SHISA5: variants seen among roughly 807,000 people sequenced by gnomAD.
SHISA5 encodes protein shisa-5.
In SHISA5, 21 loss-of-function variants were observed where a neutral mutation model predicts 27.5. The ratio of observed to expected loss-of-function variants is 0.76; its 90% CI spans 0.54 to 1.10. The LOEUF (loss-of-function observed/expected upper bound fraction) is 1.10. Among genes scored for constraint, SHISA5 ranks in the 50% least tolerant of loss-of-function variants. The pLI is 0.00. For synonymous variants in SHISA5, 137 were observed against 142.2 expected, an observed-to-expected ratio of 0.96 and a Z score of 0.26; for missense variants, 314 against 336.3, an observed-to-expected ratio of 0.93 and a Z score of 0.52.
chr3:48,483,618 G>A (rs2041095906), intron 2 of SHISA5, among the ~76,000 whole-genome samples: 2 of 152,172 alleles, frequency 1.3e-5, no homozygotes, highest in African/African-American at 2.4e-5. Flanking sequence ...CCTCCCAGAC[G>A]GGGTGGTGGC....
intron 2 of SHISA5, among the ~76,000 whole-genome samples, chr3:48,494,653 T>C (rs1418120636): frequency 6.8e-6 from 1 of 147,670 alleles, no homozygotes; most frequent in Non-Finnish European, 1.5e-5. Context: ...ACATTTTCTT[T>C]ATCCATTTAT....
Position 48,473,266 on chromosome 3 carries a change from G to C in SHISA5, c.315-3423C>G. 1 of 1,413,500 alleles carries C rather than the reference G, an allele frequency of 7.1e-7. No individual in the cohort carries two copies. Among genetic ancestry groups the C allele is most frequent in the African/African-American group, 1.4e-5 (1 of 69,338 alleles). The allele number at this position is 1,413,500 out of a possible 1,614,324, so 87.6% of individuals were successfully genotyped here. ...CGGGGGCCGGGGAGGAGGGGAAGCA[G>C]AGGTGCCCCATTTGCCTCCCAGAGC... On this transcript the variant is annotated intron_variant, in intron 3 of 5. Transcript: ENST00000296444. This position sits in a 1 kb window ranked among gnomAD's most constrained non-coding sequence, Gnocchi z 4.3.
rs187017866 is a variant in SHISA5, at chr3:48,471,350, G to A, written c.315-1507C>T. ...TGTAATCCCAGCACTTTGGGAGGCC[G>A]AGATGGGCGGATCACAAGGTTAGCA... On this transcript the variant is annotated intron_variant, in intron 3 of 5. Transcript: ENST00000296444. Among the ~76,000 whole-genome samples, 845 of 152,086 alleles carry A rather than the reference G, an allele frequency of 5.6e-3. 5 individuals carry two copies. The highest frequency in any genetic ancestry group is 0.019 in the African/African-American group (801 of 41,482).
intron 2 of SHISA5, among the ~76,000 whole-genome samples, chr3:48,500,031 G>A (rs2041708880): frequency 6.6e-6 from 1 of 151,756 alleles, no homozygotes; most frequent in African/African-American, 2.4e-5. Context: ...CTATGACATG[G>A]CAACTCCACA....
At chr3:48,490,355 G>A (rs2041385568) in intron 2 of SHISA5, among the ~76,000 whole-genome samples, 1 of 152,246 alleles carries the variant, frequency 6.6e-6, no homozygotes, top group African/African-American at 2.4e-5. Context: ...TTACAGGTAT[G>A]AGCCACTGCA....
chr3:48,485,701 G>T (rs896969824), intron 2 of SHISA5, among the ~76,000 whole-genome samples: 1 of 149,414 alleles, frequency 6.7e-6, no homozygotes, highest in Non-Finnish European at 1.5e-5. Flanking sequence ...AAAGAAATCA[G>T]TGTGAAAGCT....
rs1560116921 is a variant in SHISA5, at chr3:48,469,301, GA to G, written c.643+59del. ...GTGATGTAGTTTGGGATGGGTGCCCGAGGGATGCTGGCAGAGACTCGGGAAG... is the reference window on the plus strand; with the variant it reads ...GTGATGTAGTTTGGGATGGGTGCCCGGGGATGCTGGCAGAGACTCGGGAAG... On this transcript the variant is annotated intron_variant, in intron 5 of 5. Coordinates refer to ENST00000296444, the MANE Select transcript of SHISA5 (RefSeq NM_016479.6). The surrounding 1 kb of genome is among the most constrained non-coding windows in gnomAD (Gnocchi z 4.6). The G allele has an allele frequency of 1.9e-6, 3 of 1,566,054 alleles. No individual in the cohort carries two copies. Among genetic ancestry groups the G allele is most frequent in the Middle Eastern group, 1.8e-4 (1 of 5,522 alleles).
intron 3 of SHISA5, among the ~76,000 whole-genome samples, chr3:48,472,214 G>A (rs934785560): frequency 4.0e-4 from 61 of 151,720 alleles, no homozygotes; most frequent in Middle Eastern, 3.5e-3. Flanking sequence ...TAGGCCAGGC[G>A]CAGTGGTTCA....
chr3:48,477,104 G>GAAAA, intron 3 of SHISA5: 34 of 327,288 alleles, frequency 1.0e-4, no homozygotes, highest in Admixed American at 2.5e-4. Flanking sequence ...ATAACATTGA[G>GAAAA]AAAAAAAAAA....
At chr3:48,502,046 A>G (rs1427940935) in intron 1 of SHISA5, among the ~76,000 whole-genome samples, 1 of 151,936 alleles carries the variant, frequency 6.6e-6, no homozygotes. Flanking sequence ...ATTTTTTAGT[A>G]CAGACAGAGT....
In SHISA5 at chr3:48,474,500, C is replaced by T. The variant is rs186978071; in HGVS notation, c.315-4657G>A. Among the ~76,000 whole-genome samples, 437 of 151,930 alleles carry T rather than the reference C, an allele frequency of 2.9e-3. 2 individuals are homozygous for T. The highest frequency in any genetic ancestry group is 0.01 in the African/African-American group (423 of 41,422). On this transcript the variant is annotated intron_variant, in intron 3 of 5. Coordinates refer to ENST00000296444, the MANE Select transcript of SHISA5 (RefSeq NM_016479.6). ...TACAGGTGCGTGCCACCACACCTGG[C>T]TAATTTGTGTATTTTTAGTAGAGAT...
At chr3:48,487,083 T>TA (rs1575322782) in intron 2 of SHISA5, among the ~76,000 whole-genome samples, 2 of 151,108 alleles carry the variant, frequency 1.3e-5, no homozygotes, top group African/African-American at 4.9e-5. Context: ...CCATCAGTAT[T>TA]AAAAAAATAT....
Position 48,468,086 on chromosome 3 carries a change from C to G in SHISA5, c.*1021G>C. ...CCAGGTGTCCCTGCTGCCAGAACAC[C>G]GTGGACTGGGGTACAGGAGTTGTTG... On this transcript the variant is annotated 3_prime_UTR_variant, in exon 6 of 6. Transcript: ENST00000296444. The G allele has an allele frequency of 2.1e-6, 2 of 949,712 alleles. No homozygotes were observed. Among genetic ancestry groups the G allele is most frequent in the Non-Finnish European group, 2.5e-6 (2 of 786,088 alleles). The allele number at this position is 949,712 out of a possible 1,614,324, so 58.8% of individuals were successfully genotyped here. A position where few individuals can be genotyped will look rare whatever the true frequency, so the allele number is the denominator to read the frequency against.
intron 2 of SHISA5, among the ~76,000 whole-genome samples, chr3:48,498,573 G>C (rs906999954): frequency 6.6e-6 from 1 of 151,608 alleles, no homozygotes; most frequent in Non-Finnish European, 1.5e-5. Flanking sequence ...TGTGGTCCCA[G>C]CTACATGGGA....
chr3:48,468,679 A>G lies in SHISA5; in HGVS notation c.*428T>C. On this transcript the variant is annotated 3_prime_UTR_variant, in exon 6 of 6. Coordinates refer to ENST00000296444, the MANE Select transcript of SHISA5 (RefSeq NM_016479.6). ...AGCAGCTGGCTACGCTGCCGAAACC[A>G]GGACACATCTGCATCACACAGAAAG... is the stretch of plus-strand genomic sequence containing the variant. 8.1e-7 allele frequency: 1 copy of G among 1,229,890 alleles called. No homozygotes were observed. Among genetic ancestry groups the G allele is most frequent in the Non-Finnish European group, 1.0e-6 (1 of 962,994 alleles). The allele number at this position is 1,229,890 out of a possible 1,614,324, so 76.2% of individuals were successfully genotyped here.
intron 2 of SHISA5, among the ~76,000 whole-genome samples, chr3:48,492,505 A>G (rs1310605212): frequency 1.4e-5 from 2 of 147,870 alleles, no homozygotes; most frequent in Admixed American, 6.6e-5. Context: ...TTTAGATGAG[A>G]TCATGAGGGT....
intron 3 of SHISA5, chr3:48,472,979 AAC>A: frequency 6.5e-7 from 1 of 1,531,680 alleles, no homozygotes; most frequent in Non-Finnish European, 8.8e-7. Context: ...TTGTCTCTCA[AAC>A]ACACACGCAG....
intron 2 of SHISA5, 44 bp downstream of exon 2, chr3:48,501,093 C>T: frequency 6.4e-7 from 1 of 1,566,862 alleles, no homozygotes; most frequent in South Asian, 1.2e-5. Context: ...TCCTGTGGGG[C>T]ACAGGCTCAA....
chr3:48,499,364 A>C (rs2041681633), intron 2 of SHISA5, among the ~76,000 whole-genome samples: 1 of 151,628 alleles, frequency 6.6e-6, no homozygotes, highest in African/African-American at 2.4e-5. Flanking sequence ...ATTTAAATGG[A>C]ATAAATGCTC....
Sources: allele counts gnomAD v4.1 joint callset (sites outside exome capture counted in the v4.1 genomes callset), GRCh38; gene constraint gnomAD v4.1.1; non-coding constraint Gnocchi (gnomAD v3.1); transcripts MANE v1.5; gene names NCBI Gene and HGNC (gene_info 2026-07-23, HGNC 2026-07-21).